Variants in ITGB6 observed in about 807,000 individuals in gnomAD.
The protein encoded by ITGB6 is integrin subunit beta 6.
In ITGB6, 80 loss-of-function variants were observed where a neutral mutation model predicts 84.5. The observed-to-expected ratio is 0.95, with a 90% CI of 0.79 to 1.14. ITGB6 has a LOEUF of 1.14. Among genes scored for constraint, ITGB6 ranks in the 50% most tolerant of loss-of-function variants. ITGB6 has a pLI of 0.00. For missense variants in ITGB6, 1,006 were observed against 968.0 expected (o/e 1.04, Z -0.52); for synonymous variants, 383 against 354.9 (o/e 1.08, Z -0.89).
rs573373997 is a variant in ITGB6, at chr2:160,195,490, G to A, written c.472C>T (p.Arg158Trp). 5.6e-6 allele frequency: 9 copies of A among 1,614,156 alleles called. No individual in the cohort carries two copies. Among genetic ancestry groups the A allele is most frequent in the East Asian group, 2.2e-5 (1 of 44,886 alleles). ...AATTTAGACATCTCTTTGGAAAGCC[G>A]GGAGCCCAGCTCCTTTATTGTGTTG... is the stretch of plus-strand genomic sequence containing the variant. ...DLNTIKELGS[R>W]LSKEMSKLTS... Residue 158 changes from arginine (R) to tryptophan (W), a missense_variant, in exon 4 of 15, where the codon CGG becomes TGG. Physicochemically the swap from Arg to Trp is moderately radical, Grantham distance 101. Coordinates refer to ENST00000283249, the MANE Select transcript of ITGB6 (RefSeq NM_000888.5).
At position 160,196,450 on chromosome 2, in the gene ITGB6, GA is replaced by G. The variant is rs775232773; in HGVS notation, c.142-31del. 5.8e-6 allele frequency: 9 copies of G among 1,545,034 alleles called. No homozygotes were observed. The Admixed American group carries it at 7.6e-5, about 13-fold the overall frequency. The stretch of plus-strand genomic sequence containing the variant: ...AAAAGAAAAAGAAAAACAATAACCA[GA>G]AAAAGAAAACAAATCTGAATTTCTT... On this transcript the variant is annotated intron_variant, in intron 2 of 14. Coordinates refer to ENST00000283249, the MANE Select transcript of ITGB6 (RefSeq NM_000888.5).
intron 4 of ITGB6, among the ~76,000 whole-genome samples, chr2:160,191,913 TAAAAC>T (rs745475697): frequency 6.6e-6 from 1 of 151,974 alleles, no homozygotes; most frequent in Non-Finnish European, 1.5e-5. Flanking sequence ...TAGAAATAAA[TAAAAC>T]AAAACATGTG....
intron 7 of ITGB6, among the ~76,000 whole-genome samples, chr2:160,159,186 C>T (rs1684733813): frequency 6.6e-6 from 1 of 151,952 alleles, no homozygotes; most frequent in Non-Finnish European, 1.5e-5. Flanking sequence ...CCCTGTCCCC[C>T]AGGTTGATTG....
At chr2:160,144,625 A>T (rs1230034795) in intron 7 of ITGB6, among the ~76,000 whole-genome samples, 1 of 152,186 alleles carries the variant, frequency 6.6e-6, no homozygotes, top group African/African-American at 2.4e-5. Flanking sequence ...CTTTTTATGA[A>T]ACTGCTATCC....
intron 8 of ITGB6, among the ~76,000 whole-genome samples, chr2:160,139,654 C>T (rs1428531086): frequency 6.6e-6 from 1 of 152,144 alleles, no homozygotes; most frequent in Non-Finnish European, 1.5e-5. Flanking sequence ...CAGCATATTG[C>T]AAATTTGACC....
chr2:160,117,379 T>A (rs1001860590), intron 12 of ITGB6, among the ~76,000 whole-genome samples: 2 of 151,834 alleles, frequency 1.3e-5, no homozygotes, highest in African/African-American at 4.8e-5. Context: ...ACTGCTCAAC[T>A]ACATGGAAAC....
intron 12 of ITGB6, among the ~76,000 whole-genome samples, chr2:160,117,610 A>G (rs1248310302): frequency 2.0e-5 from 3 of 152,152 alleles, no homozygotes; most frequent in South Asian, 4.1e-4. Flanking sequence ...AAGAACTAGA[A>G]AAGCAAGAGC....
intron 7 of ITGB6, among the ~76,000 whole-genome samples, chr2:160,161,395 A>G (rs1377271470): frequency 2.0e-5 from 3 of 152,154 alleles, no homozygotes; most frequent in South Asian, 4.1e-4. Context: ...GGTTCAAGAG[A>G]TTCTCCTGCC....
At chr2:160,135,362 C>T (rs1394420674) in intron 10 of ITGB6, among the ~76,000 whole-genome samples, 3 of 151,468 alleles carry the variant, frequency 2.0e-5, no homozygotes, top group African/African-American at 4.9e-5. Flanking sequence ...TGAAGGACCT[C>T]TTCAAGGAGA....
At chr2:160,103,801 C>A (rs1175926516) in intron 14 of ITGB6, among the ~76,000 whole-genome samples, 2 of 152,120 alleles carry the variant, frequency 1.3e-5, no homozygotes, top group Non-Finnish European at 2.9e-5. Flanking sequence ...AAGCTCCCAC[C>A]TTTGTGAACA....
In ITGB6 at chr2:160,185,800, G is replaced by A. The variant is rs544898816; in HGVS notation, c.593+9569C>T. ...TATAGACCAATGGAACAGAACAGAG[G>A]CCTCAGAAATAATGCCACACATCTA... On this transcript the variant is annotated intron_variant, in intron 4 of 14. Transcript: ENST00000283249. 9.9e-5 allele frequency among the ~76,000 whole-genome samples: 15 copies of A among 152,056 alleles called. No homozygotes were observed. In the East Asian group the frequency reaches 2.7e-3, roughly 27 times the overall value.
chr2:160,101,454 G>A lies in ITGB6; in HGVS notation c.*282C>T. On this transcript the variant is annotated 3_prime_UTR_variant, in exon 15 of 15. Coordinates refer to ENST00000283249, the MANE Select transcript of ITGB6 (RefSeq NM_000888.5). ...TCAAACATTTTTCAAATGCAAATCAGGCCCCCATGAATCATTTGATGATTT... is the reference window on the plus strand; with the variant it reads ...TCAAACATTTTTCAAATGCAAATCAAGCCCCCATGAATCATTTGATGATTT... The A allele has an allele frequency of 3.1e-6, 1 of 324,168 alleles. No individual in the cohort carries two copies. Among genetic ancestry groups the A allele is most frequent in the South Asian group, 3.8e-5 (1 of 26,196 alleles). The allele number at this position is 324,168 out of a possible 1,614,324, so 20.1% of individuals were successfully genotyped here.
chr2:160,153,863 C>A (rs1029955553), intron 7 of ITGB6, among the ~76,000 whole-genome samples: 1 of 152,122 alleles, frequency 6.6e-6, no homozygotes, highest in African/African-American at 2.4e-5. Flanking sequence ...CAGAGAAATG[C>A]AAATCAAAAC....
rs138180585 is a variant in ITGB6 at position 160,181,769 on chromosome 2, G to A, written c.594-7630C>T. The stretch of plus-strand genomic sequence containing the variant: ...ATTGACATCTGGCGGGTGCCCCTCT[G>A]GGCCAAAGCTTCCAGAGGAAGGAAC... On this transcript the variant is annotated intron_variant, in intron 4 of 14. Transcript: ENST00000283249. Among the ~76,000 whole-genome samples, 166 of 152,286 alleles carry A rather than the reference G, an allele frequency of 1.1e-3. 7 individuals carry two copies. In the East Asian group the frequency reaches 0.03, roughly 27 times the overall value.
At chr2:160,146,730 T>G (rs1684207783) in intron 7 of ITGB6, among the ~76,000 whole-genome samples, 1 of 151,980 alleles carries the variant, frequency 6.6e-6, no homozygotes. Flanking sequence ...ACATACAGAG[T>G]GTGCCAGTAA....
rs1241537156 is a variant in ITGB6 at position 160,169,278 on chromosome 2, A to G, written c.951T>C (p.Asp317=). 6.2e-7 allele frequency: 1 copy of G among 1,601,240 alleles called. No individual in the cohort carries two copies. Among genetic ancestry groups the G allele is most frequent in the Non-Finnish European group, 8.5e-7 (1 of 1,173,902 alleles). The change falls in exon 7 of 15, where the codon GAT becomes GAC. Residue 317 remains aspartate, a synonymous_variant. Coordinates refer to ENST00000283249, the MANE Select transcript of ITGB6 (RefSeq NM_000888.5). ...LEYPTIGQLI[D]KLVQNNVLLI... The stretch of plus-strand genomic sequence containing the variant: ...ATAACACGTTGTTTTGTACCAGTTT[A>G]TCAATGAGTTGTCCAATTGTTGGAT...
intron 6 of ITGB6, among the ~76,000 whole-genome samples, chr2:160,171,792 G>A (rs1244753492): frequency 2.0e-5 from 3 of 152,200 alleles, no homozygotes; most frequent in East Asian, 1.9e-4. Flanking sequence ...ACACATCTGC[G>A]TATGCAACTG....
At chr2:160,141,795 C>T (rs946031874) in intron 8 of ITGB6, among the ~76,000 whole-genome samples, 187 bp downstream of exon 8, 1 of 152,196 alleles carries the variant, frequency 6.6e-6, no homozygotes, top group African/African-American at 2.4e-5. Context: ...TTCAGCTCCA[C>T]CTTCCAGGAA....
At chr2:160,195,298 GT>G (rs1338796411) in intron 4 of ITGB6, 70 bp downstream of exon 4, 10 of 1,583,810 alleles carry the variant, frequency 6.3e-6, no homozygotes, top group Non-Finnish European at 7.8e-6. Context: ...CTCCTGGCAA[GT>G]GCAGCTCAGA....
Sources: allele counts gnomAD v4.1 joint callset (sites outside exome capture counted in the v4.1 genomes callset), GRCh38; gene constraint gnomAD v4.1.1; transcripts MANE v1.5; gene names NCBI Gene and HGNC (gene_info 2026-07-23, HGNC 2026-07-21).